Variants in ASIC2 observed in about 807,000 individuals in gnomAD.
ASIC2 encodes acid sensing ion channel subunit 2.
Under a neutral mutation model 57.3 loss-of-function variants are expected in ASIC2, and 25 were observed. That is an observed-to-expected ratio of 0.44 (90% CI 0.32 to 0.61). The LOEUF is 0.61. Among genes scored for constraint, ASIC2 ranks in the 20% least tolerant of loss-of-function variants. The pLI, the probability that ASIC2 is intolerant of heterozygous loss-of-function variation, is 0.06. For missense variants in ASIC2, 641 were observed against 738.1 expected (o/e 0.87, Z 1.52); for synonymous variants, 319 against 307.5 (o/e 1.04, Z -0.39).
At chr17:33,435,031 C>A (rs1911559202) in intron 1 of ASIC2, among the ~76,000 whole-genome samples, 2 of 152,160 alleles carry the variant, frequency 1.3e-5, no homozygotes, top group South Asian at 4.2e-4. Context: ...CTCCTAAGTA[C>A]TCAAGAAACC....
chr17:34,107,317 C>T (rs1038159334), intron 1 of ASIC2, among the ~76,000 whole-genome samples: 4 of 152,218 alleles, frequency 2.6e-5, no homozygotes, highest in African/African-American at 9.6e-5. Flanking sequence ...GCCTGGAAAA[C>T]ATGGCAAAAC....
At chr17:33,939,844 C>T (rs1916146943) in intron 1 of ASIC2, among the ~76,000 whole-genome samples, 1 of 152,188 alleles carries the variant, frequency 6.6e-6, no homozygotes, top group Non-Finnish European at 1.5e-5. Flanking sequence ...CAGTAGCTCC[C>T]TTTAGACACA....
intron 1 of ASIC2, among the ~76,000 whole-genome samples, chr17:33,915,781 G>A (rs1357540900): frequency 6.6e-6 from 1 of 152,222 alleles, no homozygotes; most frequent in African/African-American, 2.4e-5. Context: ...ATGCAAAGGG[G>A]TTTCATTGAC....
At chr17:33,323,769 A>G (rs1906961727) in intron 1 of ASIC2, among the ~76,000 whole-genome samples, 2 of 152,204 alleles carry the variant, frequency 1.3e-5, no homozygotes, top group African/African-American at 2.4e-5. Flanking sequence ...TGTGTGTACT[A>G]TATGATTCCA....
At chr17:33,106,604 C>G (rs2092235596) in intron 2 of ASIC2, among the ~76,000 whole-genome samples, 1 of 152,198 alleles carries the variant, frequency 6.6e-6, no homozygotes, top group Non-Finnish European at 1.5e-5. Flanking sequence ...TCTAGCAGTT[C>G]TCTTGGGAGT....
chr17:33,872,268 G>A (rs1163758150), intron 1 of ASIC2, among the ~76,000 whole-genome samples: 1 of 152,112 alleles, frequency 6.6e-6, no homozygotes, highest in African/African-American at 2.4e-5. Flanking sequence ...AGAACATCGG[G>A]CCACAGAAGC....
At chr17:34,082,433 G>A (rs1381063215) in intron 1 of ASIC2, among the ~76,000 whole-genome samples, 1 of 152,068 alleles carries the variant, frequency 6.6e-6, no homozygotes, top group Non-Finnish European at 1.5e-5. Flanking sequence ...TAAAATAAAA[G>A]TTACAAAGGG....
At chr17:33,455,775 A>G (rs1275591142) in intron 1 of ASIC2, among the ~76,000 whole-genome samples, 1 of 152,248 alleles carries the variant, frequency 6.6e-6, no homozygotes, top group African/African-American at 2.4e-5. Flanking sequence ...CAAAAGCCCC[A>G]GATAGCCGGG....
At chr17:33,780,763 G>A (rs1202688229) in intron 1 of ASIC2, among the ~76,000 whole-genome samples, 1 of 152,228 alleles carries the variant, frequency 6.6e-6, no homozygotes, top group Non-Finnish European at 1.5e-5. Context: ...ACTCTGAGCA[G>A]GGAAGGCGGG....
chr17:33,693,099 CT>C, intron 1 of ASIC2, among the ~76,000 whole-genome samples: 1 of 152,104 alleles, frequency 6.6e-6, no homozygotes, highest in Non-Finnish European at 1.5e-5. Flanking sequence ...TAACTGGTAT[CT>C]TTTTCGTATA....
chr17:33,166,328 G>A (rs1205295838), intron 1 of ASIC2, among the ~76,000 whole-genome samples: 1 of 152,152 alleles, frequency 6.6e-6, no homozygotes, highest in East Asian at 1.9e-4. Flanking sequence ...TTCCTTTGCT[G>A]TCTTCTCTGC....
intron 1 of ASIC2, among the ~76,000 whole-genome samples, chr17:33,842,607 T>C (rs544510643): frequency 2.4e-4 from 36 of 152,286 alleles, no homozygotes; most frequent in African/African-American, 7.9e-4. Context: ...AGTTGATACA[T>C]ACATGAAAGT....
At chr17:33,985,594 T>TC (rs1905789837) in intron 1 of ASIC2, among the ~76,000 whole-genome samples, 5 of 152,196 alleles carry the variant, frequency 3.3e-5, no homozygotes, top group South Asian at 4.1e-4. Context: ...TTAACGAGTA[T>TC]CTGAACCACC....
At chr17:33,740,300 T>C (rs921668416) in intron 1 of ASIC2, among the ~76,000 whole-genome samples, 5 of 152,204 alleles carry the variant, frequency 3.3e-5, no homozygotes, top group African/African-American at 9.7e-5. Flanking sequence ...AACTGGGTAA[T>C]CTATAAAGGA....
At chr17:33,622,117 G>A (rs1905820447) in intron 1 of ASIC2, among the ~76,000 whole-genome samples, 1 of 151,870 alleles carries the variant, frequency 6.6e-6, no homozygotes, top group Non-Finnish European at 1.5e-5. Context: ...CCTACTAGGT[G>A]CCTGGCACTG....
At chr17:33,218,103 C>A (rs944828562) in intron 1 of ASIC2, among the ~76,000 whole-genome samples, 2 of 152,246 alleles carry the variant, frequency 1.3e-5, no homozygotes, top group Non-Finnish European at 2.9e-5. Context: ...GCAATTCATG[C>A]TTTTAAATGT....
chr17:33,988,578 T>G (rs1905904293), intron 1 of ASIC2, among the ~76,000 whole-genome samples: 1 of 152,132 alleles, frequency 6.6e-6, no homozygotes, highest in Non-Finnish European at 1.5e-5. Flanking sequence ...ACATCGACCC[T>G]TAGCAGATGC....
At chr17:33,043,961 A>T (rs149046016) in intron 3 of ASIC2, among the ~76,000 whole-genome samples, 60 of 152,356 alleles carry the variant, frequency 3.9e-4, no homozygotes, top group African/African-American at 1.4e-3. Flanking sequence ...ATGGTTTGTG[A>T]TGAATAAAAT....
At chr17:33,284,584 T>C (rs989665977) in intron 1 of ASIC2, among the ~76,000 whole-genome samples, 1 of 152,172 alleles carries the variant, frequency 6.6e-6, no homozygotes, top group African/African-American at 2.4e-5. Context: ...GCTTGGAAGA[T>C]TGTGAGTGGT....
Sources: gnomAD v4.1 joint callset for allele counts (sites outside exome capture counted in the v4.1 genomes callset) on GRCh38, gnomAD v4.1.1 for gene constraint, MANE v1.5 for transcripts, NCBI Gene and HGNC (gene_info 2026-07-23, HGNC 2026-07-21) for gene names.